PHACTR2: variants seen among roughly 807,000 people sequenced by gnomAD.
The protein encoded by PHACTR2 is chromosome 6 open reading frame 56.
In PHACTR2, 30 loss-of-function variants were observed where a neutral mutation model predicts 76.0. The ratio of observed to expected loss-of-function variants is 0.39; its 90% CI spans 0.30 to 0.54. PHACTR2 has a LOEUF of 0.54. Ranked by LOEUF, PHACTR2 falls within the 20% of genes least tolerant of loss-of-function variation. PHACTR2 has a pLI of 0.61. For missense variants in PHACTR2, 696 were observed against 781.1 expected, an observed-to-expected ratio of 0.89 and a Z score of 1.30; for synonymous variants, 292 against 292.5, an observed-to-expected ratio of 1.00 and a Z score of 0.02.
At chr6:143,694,461 T>C (rs1440105327) in intron 1 of PHACTR2, among the ~76,000 whole-genome samples, 2 of 152,140 alleles carry the variant, frequency 1.3e-5, no homozygotes, top group African/African-American at 2.4e-5. Context: ...CCTGACTGGT[T>C]TTATAATCTT....
chr6:143,586,496 A>G (rs1775631724), intron 1 of PHACTR2, among the ~76,000 whole-genome samples: 1 of 152,224 alleles, frequency 6.6e-6, no homozygotes, highest in South Asian at 2.1e-4. Context: ...TTTGCCCAGG[A>G]AAGAACTTAA....
rs547194811 is a variant in PHACTR2, at chr6:143,685,826, A to G, written c.46+7617A>G. Among the ~76,000 whole-genome samples the G allele has an allele frequency of 2.0e-5, 3 of 152,236 alleles. No homozygotes were observed. The South Asian group carries it at 6.2e-4, about 32-fold the overall frequency. ...TCAGAAAAGCAGTTTGGCAATATAT[A>G]TTAAGTCATAAAATGTGCACTTAGG... On this transcript the variant is annotated intron_variant, in intron 1 of 12. Transcript: ENST00000440869.
In PHACTR2 at chr6:143,754,092, G is replaced by A; in HGVS notation, c.454+180G>A. Reference sequence around the variant, plus strand: ...AATCGGATGATTTTCTCAGGTAGATGCATCCATTTTATAAGCACAGTATTT... The same window carrying A: ...AATCGGATGATTTTCTCAGGTAGATACATCCATTTTATAAGCACAGTATTT... On this transcript the variant is annotated intron_variant, in intron 4 of 12. Coordinates refer to ENST00000440869, the MANE Select transcript of PHACTR2 (RefSeq NM_001100164.2). The surrounding 1 kb of genome is among the most constrained non-coding windows in gnomAD (Gnocchi z 6.2). 2.4e-6 allele frequency: 1 copy of A among 416,078 alleles called. No individual in the cohort carries two copies. Among genetic ancestry groups the A allele is most frequent in the Non-Finnish European group, 4.3e-6 (1 of 235,056 alleles). The allele number at this position is 416,078 out of a possible 1,614,324, so 25.8% of individuals were successfully genotyped here.
intron 1 of PHACTR2, among the ~76,000 whole-genome samples, chr6:143,699,080 G>A (rs1035619031): frequency 3.9e-5 from 6 of 152,102 alleles, no homozygotes; most frequent in Non-Finnish European, 5.9e-5. Flanking sequence ...GGTAGGTGCC[G>A]TCTGCTGAGT....
rs1779516676 is a variant in PHACTR2, at chr6:143,764,752, T to C, written c.695-509T>C. On this transcript the variant is annotated intron_variant, in intron 5 of 12. Coordinates refer to ENST00000440869, the MANE Select transcript of PHACTR2 (RefSeq NM_001100164.2). The surrounding 1 kb of genome is among the most constrained non-coding windows in gnomAD (Gnocchi z 4.7). ...CTCTTTTAGCAGTAAGATGAGTGAT[T>C]TTGTTTTTGACCCAGAAAGAAGCTG... Among the ~76,000 whole-genome samples, 1 of 152,164 alleles carries C rather than the reference T, an allele frequency of 6.6e-6. No individual in the cohort carries two copies. The highest frequency in any genetic ancestry group is 1.5e-5 in the Non-Finnish European group (1 of 68,032).
intron 1 of PHACTR2, among the ~76,000 whole-genome samples, chr6:143,544,030 C>T (rs1296907775): frequency 2.6e-5 from 4 of 152,156 alleles, no homozygotes; most frequent in African/African-American, 9.7e-5. Flanking sequence ...CCTTCTCTTG[C>T]CCTTCTCTTG....
intron 1 of PHACTR2, among the ~76,000 whole-genome samples, chr6:143,601,517 G>T (rs903920312): frequency 1.3e-5 from 2 of 152,176 alleles, no homozygotes; most frequent in South Asian, 4.1e-4. Flanking sequence ...GTCAGAATTT[G>T]CTTCCTAAGC....
At position 143,825,725 on chromosome 6, in the gene PHACTR2, C is replaced by T. The variant is rs1348099497; in HGVS notation, c.*2036C>T. ...ATAATGTTTCTTTTAATTGTCTATG[C>T]TTAATCATCTTTAAACACTTTTTAA... On this transcript the variant is annotated 3_prime_UTR_variant, in exon 13 of 13. Coordinates refer to ENST00000440869, the MANE Select transcript of PHACTR2 (RefSeq NM_001100164.2). The surrounding 1 kb of genome is among the most constrained non-coding windows in gnomAD (Gnocchi z 4.1). 1 of 151,808 alleles carries T rather than the reference C, an allele frequency of 6.6e-6. No individual in the cohort carries two copies. The highest frequency in any genetic ancestry group is 1.5e-5 in the Non-Finnish European group (1 of 67,992). 9.4% of individuals were successfully genotyped at this position (151,808 alleles called of 1,614,324 possible).
chr6:143,588,454 G>A (rs558987198), intron 1 of PHACTR2, among the ~76,000 whole-genome samples: 1,034 of 16,344 alleles, frequency 0.063, 13 homozygotes, highest in Middle Eastern at 0.23. Flanking sequence ...ATTCTCAAAG[G>A]TATGAGTGGC....
In PHACTR2 at chr6:143,608,435, A is replaced by C; in HGVS notation, c.13+113A>C. On this transcript the variant is annotated intron_variant, in intron 1 of 11. Coordinates refer to the PHACTR2 transcript ENST00000305766. This position sits in a 1 kb window ranked among gnomAD's most constrained non-coding sequence, Gnocchi z 4.6. Reference sequence around the variant, plus strand: ...CTCTCGTTTTGCACTTAAATGTTCAAGACTGAGACGCGTGTAATATGTGAA... The same window carrying C: ...CTCTCGTTTTGCACTTAAATGTTCACGACTGAGACGCGTGTAATATGTGAA... 9.7e-7 allele frequency: 1 copy of C among 1,030,488 alleles called. No individual in the cohort carries two copies. Among genetic ancestry groups the C allele is most frequent in the Non-Finnish European group, 1.5e-6 (1 of 663,854 alleles). 63.8% of individuals were successfully genotyped at this position (1,030,488 alleles called of 1,614,324 possible).
rs1314864313 is a variant in PHACTR2, at chr6:143,557,750, C to T, written c.217+20543C>T. On this transcript the variant is annotated intron_variant, in intron 1 of 11. Transcript: ENST00000367584. The surrounding 1 kb of genome is among the most constrained non-coding windows in gnomAD (Gnocchi z 5.5). ...CGTCAGCATGCTGCCACCTTTGAAA[C>T]ACAGGCGTGTTGTTTCTTTTGCCTG... The T allele has an allele frequency of 1.3e-5, 2 of 152,056 alleles. No homozygotes were observed. Among genetic ancestry groups the T allele is most frequent in the African/African-American group, 4.8e-5 (2 of 41,412 alleles). The allele number at this position is 152,056 out of a possible 1,614,324, so 9.4% of individuals were successfully genotyped here. A position where few individuals can be genotyped will look rare whatever the true frequency, so the allele number is the denominator to read the frequency against.
At position 143,571,663 on chromosome 6, in the gene PHACTR2, G is replaced by A. The variant is rs550400213; in HGVS notation, c.217+34456G>A. ...CACTCATTTTGTTGCCCACATTGTT[G>A]TACAATTGGCTATCGAGAGTTTGGT... On this transcript the variant is annotated intron_variant, in intron 1 of 11. Transcript: ENST00000367584. The surrounding 1 kb of genome is among the most constrained non-coding windows in gnomAD (Gnocchi z 4.6). Among the ~76,000 whole-genome samples, 9 of 151,836 alleles carry A rather than the reference G, an allele frequency of 5.9e-5. No individual in the cohort carries two copies. The East Asian group carries it at 1.5e-3, about 26-fold the overall frequency.
Position 143,753,925 on chromosome 6 carries a change from C to T in PHACTR2, c.454+13C>T. 1.3e-6 allele frequency: 2 copies of T among 1,584,596 alleles called. No homozygotes were observed. The highest frequency in any genetic ancestry group is 2.7e-5 in the African/African-American group (2 of 73,282). ...GAAGATAAGAAAGGTAAAATAAAGA[C>T]AAACCCATATTATTTACTTTAGTAT... is the stretch of plus-strand genomic sequence containing the variant. On this transcript the variant is annotated intron_variant, in intron 4 of 12. Transcript: ENST00000440869. This position sits in a 1 kb window ranked among gnomAD's most constrained non-coding sequence, Gnocchi z 4.6.
At chr6:143,726,372 T>A (rs974168669) in intron 2 of PHACTR2, among the ~76,000 whole-genome samples, 1 of 152,226 alleles carries the variant, frequency 6.6e-6, no homozygotes, top group African/African-American at 2.4e-5. Context: ...GTTCTATGAA[T>A]AGATCTCCGG....
At chr6:143,796,875 G>A (rs935549390) in intron 11 of PHACTR2, among the ~76,000 whole-genome samples, 10 of 152,266 alleles carry the variant, frequency 6.6e-5, no homozygotes, top group African/African-American at 9.6e-5. Context: ...AAACATACAT[G>A]TGCATGTGTC....
chr6:143,683,063 T>C lies in PHACTR2; in HGVS notation c.46+4854T>C, dbSNP rs1248332975. Among the ~76,000 whole-genome samples, 1 of 152,212 alleles carries C rather than the reference T, an allele frequency of 6.6e-6. No individual in the cohort carries two copies. Among genetic ancestry groups the C allele is most frequent in the East Asian group, 1.9e-4 (1 of 5,196 alleles). On this transcript the variant is annotated intron_variant, in intron 1 of 12. Coordinates refer to ENST00000440869, the MANE Select transcript of PHACTR2 (RefSeq NM_001100164.2). This position sits in a 1 kb window ranked among gnomAD's most constrained non-coding sequence, Gnocchi z 4.1. Reference sequence around the variant, plus strand: ...ACTTGGGTAATGTGTATAATCCTTTTTGTATGTTGCTGGGTTAGGTTTACA... The same window carrying C: ...ACTTGGGTAATGTGTATAATCCTTTCTGTATGTTGCTGGGTTAGGTTTACA...
chr6:143,618,741 C>T lies in PHACTR2; in HGVS notation c.13+10419C>T, dbSNP rs546249689. Reference sequence around the variant, plus strand: ...CCTCCTCCTTGTCTTAGCCTCAGCTCAAGTGTCCCCGTTTGCTCCAAACCA... The same window carrying T: ...CCTCCTCCTTGTCTTAGCCTCAGCTTAAGTGTCCCCGTTTGCTCCAAACCA... On this transcript the variant is annotated intron_variant, in intron 1 of 11. Transcript: ENST00000305766. This position sits in a 1 kb window ranked among gnomAD's most constrained non-coding sequence, Gnocchi z 5.2. Among the ~76,000 whole-genome samples the T allele has an allele frequency of 1.3e-5, 2 of 152,224 alleles. No individual in the cohort carries two copies. The highest frequency in any genetic ancestry group is 3.9e-4 in the East Asian group (2 of 5,150).
chr6:143,641,389 G>T lies in PHACTR2; in HGVS notation c.13+33067G>T, dbSNP rs1776558757. ...GCTTCCAGAAGCTGGAGGAGGAAAG[G>T]AAGGATTCTCCTCCAGTGCCTTGAG... is the stretch of plus-strand genomic sequence containing the variant. On this transcript the variant is annotated intron_variant, in intron 1 of 11. Transcript: ENST00000305766. The surrounding 1 kb of genome is among the most constrained non-coding windows in gnomAD (Gnocchi z 5.8). Among the ~76,000 whole-genome samples, 1 of 152,164 alleles carries T rather than the reference G, an allele frequency of 6.6e-6. No individual in the cohort carries two copies. Among genetic ancestry groups the T allele is most frequent in the Non-Finnish European group, 1.5e-5 (1 of 68,022 alleles).
chr6:143,760,700 G>C lies in PHACTR2; in HGVS notation c.694+60G>C. On this transcript the variant is annotated intron_variant, in intron 5 of 12. Coordinates refer to ENST00000440869, the MANE Select transcript of PHACTR2 (RefSeq NM_001100164.2). This position sits in a 1 kb window ranked among gnomAD's most constrained non-coding sequence, Gnocchi z 6.4. The stretch of plus-strand genomic sequence containing the variant: ...CTAGGGTGCTTGGCTCTGGGATGGG[G>C]CTAATTGTTTCTTCTAGGTGTGATG... 6.4e-7 allele frequency: 1 copy of C among 1,570,070 alleles called. No individual in the cohort carries two copies. The highest frequency in any genetic ancestry group is 1.2e-5 in the South Asian group (1 of 85,690).
Sources: gnomAD v4.1 joint callset for allele counts (sites outside exome capture counted in the v4.1 genomes callset) on GRCh38, gnomAD v4.1.1 for gene constraint, Gnocchi (gnomAD v3.1) non-coding constraint, MANE v1.5 for transcripts, NCBI Gene and HGNC (gene_info 2026-07-23, HGNC 2026-07-21) for gene names.